PTPRN2: variants seen among roughly 807,000 people sequenced by gnomAD.
The protein encoded by PTPRN2 is receptor-type tyrosine-protein phosphatase N2.
A neutral mutation model predicts 118.8 loss-of-function variants in PTPRN2; 74 were observed. That is an observed-to-expected ratio of 0.62 (90% CI 0.52 to 0.76). PTPRN2 has a LOEUF of 0.76. Ranked by LOEUF, PTPRN2 falls within the 30% of genes least tolerant of loss-of-function variation. The pLI is 0.00. For synonymous variants in PTPRN2, 641 were observed against 608.0 expected (o/e 1.05, Z -0.80); for missense variants, 1,481 against 1,394.4 (o/e 1.06, Z -0.99).
At chr7:158,587,147 C>T (rs1490049130) in intron 1 of PTPRN2, among the ~76,000 whole-genome samples, 5 of 147,756 alleles carry the variant, frequency 3.4e-5, no homozygotes, top group Admixed American at 3.3e-4. Flanking sequence ...CACCCCTCCC[C>T]ACCCGCCCCG....
rs182265216 is a variant in PTPRN2 at position 157,947,150 on chromosome 7, C to T, written c.1724-48413G>A. Among the ~76,000 whole-genome samples the T allele has an allele frequency of 1.4e-3, 207 of 152,204 alleles. 1 individual carries two copies. Among genetic ancestry groups the T allele is most frequent in the African/African-American group, 4.6e-3 (191 of 41,520 alleles). On this transcript the variant is annotated intron_variant, in intron 11 of 22. Transcript: ENST00000389418. ...GGGCAACTGGGATGTGGGCAGGATG[C>T]GAAAAGGTCTGTCAAAGGGGTACTT...
intron 1 of PTPRN2, among the ~76,000 whole-genome samples, chr7:158,551,410 C>T (rs1321468418): frequency 1.3e-5 from 2 of 151,420 alleles, no homozygotes; most frequent in African/African-American, 2.4e-5. Flanking sequence ...CCCATCCCAT[C>T]AGGGGTGGGG....
chr7:158,037,527 T>C (rs1808171880), intron 11 of PTPRN2, among the ~76,000 whole-genome samples: 1 of 152,206 alleles, frequency 6.6e-6, no homozygotes, highest in African/African-American at 2.4e-5. Context: ...CCGAGTACTG[T>C]AGGCAACGCT....
At chr7:158,144,061 A>C (rs1340762356) in intron 6 of PTPRN2, among the ~76,000 whole-genome samples, 1 of 152,140 alleles carries the variant, frequency 6.6e-6, no homozygotes, top group East Asian at 1.9e-4. Flanking sequence ...AGTTCCATTA[A>C]CCGTTCTTCT....
At chr7:157,631,964 T>C (rs546220594) in intron 14 of PTPRN2, among the ~76,000 whole-genome samples, 11 of 152,176 alleles carry the variant, frequency 7.2e-5, no homozygotes, top group Admixed American at 3.9e-4. Flanking sequence ...ATAGAGGCAC[T>C]GGGACATGAT....
intron 12 of PTPRN2, among the ~76,000 whole-genome samples, chr7:157,827,315 C>T (rs1278200376): frequency 6.6e-5 from 10 of 151,972 alleles, no homozygotes; most frequent in African/African-American, 1.7e-4. Context: ...ATTCCTGCAG[C>T]GGTTTTGAGA....
At chr7:158,153,808 G>A (rs1236899490) in intron 6 of PTPRN2, among the ~76,000 whole-genome samples, 2 of 152,146 alleles carry the variant, frequency 1.3e-5, no homozygotes, top group African/African-American at 4.8e-5. Flanking sequence ...AGAGGCAGGA[G>A]GCCAGGTCTG....
At chr7:157,883,623 G>T (rs975502294) in intron 12 of PTPRN2, among the ~76,000 whole-genome samples, 1 of 145,032 alleles carries the variant, frequency 6.9e-6, no homozygotes, top group East Asian at 2.1e-4. Flanking sequence ...AATGACTGTT[G>T]GAGACCAGAA....
In PTPRN2 at chr7:158,169,415, T is replaced by TGA. The variant is rs771456531; in HGVS notation, c.550-2126_550-2125dup. Among the ~76,000 whole-genome samples, 998 of 126,328 alleles carry TGA rather than the reference T, an allele frequency of 7.9e-3. 15 individuals carry two copies. Among genetic ancestry groups the TGA allele is most frequent in the African/African-American group, 0.028 (937 of 33,050 alleles). 82.9% of individuals were successfully genotyped at this position (126,328 alleles called of 152,430 possible). On this transcript the variant is annotated intron_variant, in intron 5 of 22. Transcript: ENST00000389418. ...ACACCACCATACCTGGCTGCTTTTGTGAGTGTGTGTGTGTGTGTGTGTGTG... is the reference window on the plus strand; with the variant it reads ...ACACCACCATACCTGGCTGCTTTTGTGAGAGTGTGTGTGTGTGTGTGTGTGTG...
intron 5 of PTPRN2, among the ~76,000 whole-genome samples, chr7:158,181,817 G>C (rs1281847482): frequency 6.6e-6 from 1 of 152,020 alleles, no homozygotes; most frequent in Non-Finnish European, 1.5e-5. Flanking sequence ...TTCATTTCTT[G>C]ATTAATCTAG....
chr7:158,324,178 C>T (rs1470860609), intron 2 of PTPRN2, among the ~76,000 whole-genome samples: 5 of 152,270 alleles, frequency 3.3e-5, no homozygotes, highest in Middle Eastern at 3.4e-3. Context: ...ATAGACAAGA[C>T]GGCACCTCGC....
intron 2 of PTPRN2, among the ~76,000 whole-genome samples, chr7:158,483,588 T>C (rs938863598): frequency 1.3e-5 from 2 of 152,204 alleles, no homozygotes; most frequent in African/African-American, 4.8e-5. Flanking sequence ...GACAAGCTTA[T>C]TGTTCTGCTT....
At chr7:158,189,469 C>T (rs7780034) in intron 5 of PTPRN2, among the ~76,000 whole-genome samples, 93,022 of 152,052 alleles carry the variant, frequency 0.61, 29,056 homozygotes, top group East Asian at 0.78. Flanking sequence ...GCACATTGGA[C>T]GAGCCTCCAA....
chr7:157,755,714 G>A (rs995045613), intron 12 of PTPRN2, among the ~76,000 whole-genome samples: 10 of 152,062 alleles, frequency 6.6e-5, no homozygotes, highest in African/African-American at 2.2e-4. Flanking sequence ...ACAGACACTG[G>A]GGACCCCCAG....
intron 1 of PTPRN2, among the ~76,000 whole-genome samples, chr7:158,567,981 A>G (rs1303385904): frequency 6.6e-6 from 1 of 152,214 alleles, no homozygotes; most frequent in Non-Finnish European, 1.5e-5. Flanking sequence ...GCCCAGGTGC[A>G]GTGGCTCACA....
chr7:157,540,700 C>A lies in PTPRN2; in HGVS notation c.*14G>T, dbSNP rs1424276199. 6.5e-7 allele frequency: 1 copy of A among 1,545,506 alleles called. No homozygotes were observed. Among genetic ancestry groups the A allele is most frequent in the Non-Finnish European group, 8.8e-7 (1 of 1,139,962 alleles). On this transcript the variant is annotated 3_prime_UTR_variant, in exon 23 of 23. Transcript: ENST00000389418. ...GTGGGGTGGGGGCTCCCCTGAGGCC[C>A]CTGAGGCTGCCGCTCACTGGGGAAG...
At position 157,904,402 on chromosome 7, in the gene PTPRN2, T is replaced by A. The variant is rs565669546; in HGVS notation, c.1724-5665A>T. Among the ~76,000 whole-genome samples, 321 of 152,218 alleles carry A rather than the reference T, an allele frequency of 2.1e-3. 3 individuals carry two copies. Among genetic ancestry groups the A allele is most frequent in the Middle Eastern group, 0.02 (6 of 294 alleles). ...TCCCCTCCCGTGGCCCTGCACAGGG[T>A]CTGCTGAGTGATGCCCTCCAGCACT... On this transcript the variant is annotated intron_variant, in intron 11 of 22. Transcript: ENST00000389418.
At chr7:158,344,041 C>T (rs1807295079) in intron 2 of PTPRN2, among the ~76,000 whole-genome samples, 1 of 152,196 alleles carries the variant, frequency 6.6e-6, no homozygotes, top group Admixed American at 6.5e-5. Flanking sequence ...GACAGCCCCT[C>T]TTACATGCCA....
intron 3 of PTPRN2, among the ~76,000 whole-genome samples, chr7:158,244,705 T>G (rs4909053): frequency 0.79 from 120,125 of 151,654 alleles, 47,830 homozygotes; most frequent in African/African-American, 0.86. Flanking sequence ...GTGTGTGTGG[T>G]TGTGAGTTGT....
Sources: allele counts gnomAD v4.1 joint callset (sites outside exome capture counted in the v4.1 genomes callset), GRCh38; gene constraint gnomAD v4.1.1; transcripts MANE v1.5; gene names NCBI Gene and HGNC (gene_info 2026-07-23, HGNC 2026-07-21).